Variants in LY9 observed in about 807,000 individuals in gnomAD.
The protein encoded by LY9 is T-lymphocyte surface antigen Ly-9.
LY9 carries 59 observed loss-of-function variants against 64.6 expected under a neutral mutation model. The observed-to-expected ratio is 0.91, with a 90% CI of 0.74 to 1.13. The LOEUF (loss-of-function observed/expected upper bound fraction) is 1.13, where lower values mean the gene tolerates loss of function less well. Among genes scored for constraint, LY9 ranks in the 50% most tolerant of loss-of-function variants. The pLI is 0.00. For missense variants in LY9, 789 were observed against 797.2 expected (o/e 0.99, Z 0.12); for synonymous variants, 281 against 308.5 (o/e 0.91, Z 0.93).
intron 2 of LY9, among the ~76,000 whole-genome samples, chr1:160,803,154 C>T (rs1247313058): frequency 2.6e-5 from 4 of 152,020 alleles, no homozygotes; most frequent in Non-Finnish European, 4.4e-5. Flanking sequence ...TGGTGATGGG[C>T]ACCTGTAATC....
intron 9 of LY9, 111 bp downstream of exon 9, chr1:160,824,360 A>C: frequency 6.5e-7 from 1 of 1,532,972 alleles, no homozygotes; most frequent in South Asian, 1.3e-5. Flanking sequence ...CTTAAATTCT[A>C]CCCACTATGC....
intron 2 of LY9, among the ~76,000 whole-genome samples, chr1:160,800,691 C>A (rs1330815924): frequency 6.6e-6 from 1 of 152,200 alleles, no homozygotes; most frequent in Non-Finnish European, 1.5e-5. Flanking sequence ...TCAGCCCTCA[C>A]TCCTCTCCCA....
chr1:160,801,514 A>G (rs1365218631), intron 2 of LY9, among the ~76,000 whole-genome samples: 1 of 151,738 alleles, frequency 6.6e-6, no homozygotes, highest in Non-Finnish European at 1.5e-5. Context: ...TTGTCTCTTC[A>G]CTCTGTTGAT....
intron 2 of LY9, among the ~76,000 whole-genome samples, chr1:160,805,848 A>G (rs932488860): frequency 2.7e-5 from 4 of 149,582 alleles, no homozygotes; most frequent in African/African-American, 7.4e-5. Flanking sequence ...TGTTGGGTGC[A>G]TATACATTTA....
intron 2 of LY9, among the ~76,000 whole-genome samples, chr1:160,805,397 T>C (rs1666881630): frequency 6.6e-6 from 1 of 152,164 alleles, no homozygotes; most frequent in African/African-American, 2.4e-5. Context: ...CATGTATTTG[T>C]ATCATTTCCA....
At chr1:160,807,990 A>G (rs936567931) in intron 2 of LY9, among the ~76,000 whole-genome samples, 2 of 152,098 alleles carry the variant, frequency 1.3e-5, no homozygotes, top group African/African-American at 2.4e-5. Flanking sequence ...AGGTGAGGAC[A>G]GTAGCCGCCA....
chr1:160,809,603 C>T (rs1373320998), intron 2 of LY9: 1 of 151,294 alleles, frequency 6.6e-6, no homozygotes, highest in Non-Finnish European at 1.5e-5. Flanking sequence ...CTCAAACAAT[C>T]CTTCCACCTC....
chr1:160,826,641 G>C (rs1174604637), intron 9 of LY9, among the ~76,000 whole-genome samples: 1 of 152,192 alleles, frequency 6.6e-6, no homozygotes, highest in African/African-American at 2.4e-5. Context: ...ACTGCACTGT[G>C]GTAAAGAGGA....
intron 2 of LY9, among the ~76,000 whole-genome samples, chr1:160,806,618 A>T (rs1340501239): frequency 1.3e-5 from 2 of 152,146 alleles, no homozygotes; most frequent in African/African-American, 4.8e-5. Flanking sequence ...CTGGGCTTTC[A>T]TTTATAGGTG....
intron 2 of LY9, chr1:160,810,901 T>C (rs1306929790): frequency 6.6e-6 from 1 of 152,210 alleles, no homozygotes; most frequent in Non-Finnish European, 1.5e-5. Flanking sequence ...GAATAGACAT[T>C]GCCATTCCAA....
chr1:160,799,781 C>T lies in LY9; in HGVS notation c.153C>T (p.Ala51=). The T allele has an allele frequency of 6.2e-7, 1 of 1,613,686 alleles. No individual in the cohort carries two copies. Among genetic ancestry groups the T allele is most frequent in the Non-Finnish European group, 8.5e-7 (1 of 1,179,748 alleles). The change falls in exon 2 of 10, where the codon GCC becomes GCT. Residue 51 remains alanine (A), a synonymous_variant. Transcript: ENST00000263285. ...TAAGAGCCTCTGGAAAGGACTCAGC[C>T]CCAACAGTGGTGTCAGGGATCCTAG... is the stretch of plus-strand genomic sequence containing the variant. ...MGLRASGKDS[A]PTVVSGILGG...
chr1:160,803,759 G>A (rs1666722654), intron 2 of LY9, among the ~76,000 whole-genome samples: 1 of 152,088 alleles, frequency 6.6e-6, no homozygotes. Flanking sequence ...TGTAATCCTA[G>A]CACTTTGGGA....
rs2101848674 is a variant in LY9 at position 160,828,107 on chromosome 1, A to C, written c.*291A>C. Reference sequence around the variant, plus strand: ...CTCGAAATTCTACCAAGACTGGTCAAATGTTGCTGAGGGGCCTGGACCAGC... The same window carrying C: ...CTCGAAATTCTACCAAGACTGGTCACATGTTGCTGAGGGGCCTGGACCAGC... On this transcript the variant is annotated 3_prime_UTR_variant, in exon 10 of 10. Transcript: ENST00000263285. 1 of 211,706 alleles carries C rather than the reference A, an allele frequency of 4.7e-6. No homozygotes were observed. Among genetic ancestry groups the C allele is most frequent in the East Asian group, 1.1e-4 (1 of 9,358 alleles). 13.1% of individuals were successfully genotyped at this position (211,706 alleles called of 1,614,324 possible). A position where few individuals can be genotyped will look rare whatever the true frequency, so the allele number is the denominator to read the frequency against.
rs770290775 is a variant in LY9, at chr1:160,799,786, C to G, written c.158C>G (p.Thr53Arg). The change falls in exon 2 of 10, where the codon ACA becomes AGA. Residue 53 changes from threonine (T) to arginine (R), a missense_variant. By Grantham distance (71) the Thr-to-Arg change is moderately conservative. Coordinates refer to ENST00000263285, the MANE Select transcript of LY9 (RefSeq NM_002348.4). ...GCCTCTGGAAAGGACTCAGCCCCAA[C>G]AGTGGTGTCAGGGATCCTAGGGGGT... ...LRASGKDSAP[T>R]VVSGILGGSV... 9.9e-6 allele frequency: 16 copies of G among 1,613,732 alleles called. No homozygotes were observed. Among genetic ancestry groups the G allele is most frequent in the Non-Finnish European group, 2.5e-6 (3 of 1,179,846 alleles).
intron 7 of LY9, among the ~76,000 whole-genome samples, chr1:160,821,151 T>TAAAAAAAAAAAAAAAAAAAAAAA (rs373539992): frequency 1.9e-5 from 2 of 105,092 alleles, no homozygotes; most frequent in African/African-American, 7.6e-5. Flanking sequence ...GAAACTTTGC[T>TAAAAAAAAAAAAAAAAAAAAAAA]AAAAAAAAAA....
intron 3 of LY9, 98 bp from the exon 4 acceptor site, chr1:160,814,322 A>G: frequency 1.1e-6 from 1 of 873,046 alleles, no homozygotes; most frequent in South Asian, 1.6e-5. Flanking sequence ...GAGGAAGAGG[A>G]GGAGGGACTT....
intron 4 of LY9, among the ~76,000 whole-genome samples, chr1:160,815,535 C>T (rs767279840): frequency 2.0e-5 from 3 of 152,074 alleles, no homozygotes; most frequent in African/African-American, 4.8e-5. Context: ...TACAGGCACA[C>T]GCCACCACAA....
At chr1:160,825,515 AT>A (rs940425118) in intron 9 of LY9, among the ~76,000 whole-genome samples, 1 of 152,150 alleles carries the variant, frequency 6.6e-6, no homozygotes, top group Non-Finnish European at 1.5e-5. Context: ...CTGGCTGTCC[AT>A]TTCATTTTCA....
intron 1 of LY9, chr1:160,797,405 C>G (rs1665995995): frequency 2.3e-6 from 1 of 426,046 alleles, no homozygotes; most frequent in Admixed American, 6.4e-5. Flanking sequence ...AGTCTGACCT[C>G]TTTTCACTTT....
Sources: gnomAD v4.1 joint callset for allele counts (sites outside exome capture counted in the v4.1 genomes callset) on GRCh38, gnomAD v4.1.1 for gene constraint, MANE v1.5 for transcripts, NCBI Gene and HGNC (gene_info 2026-07-23, HGNC 2026-07-21) for gene names.